Variants in DAPK1 observed in about 807,000 individuals in gnomAD.
DAPK1 encodes death associated protein kinase 1.
A neutral mutation model predicts 144.9 loss-of-function variants in DAPK1; 56 were observed. That is an observed-to-expected ratio of 0.39 (90% CI 0.31 to 0.48). The LOEUF (loss-of-function observed/expected upper bound fraction) is 0.48. DAPK1 is among the 20% of genes least tolerant of loss of function. The pLI, the probability that DAPK1 is intolerant of heterozygous loss-of-function variation, is 0.95. For missense variants in DAPK1, 1,454 were observed against 1,875.4 expected (o/e 0.78, Z 4.15); for synonymous variants, 690 against 749.0 (o/e 0.92, Z 1.29).
At chr9:87,503,262 T>G (rs1474502423) in intron 2 of DAPK1, among the ~76,000 whole-genome samples, 1 of 151,736 alleles carries the variant, frequency 6.6e-6, no homozygotes, top group Non-Finnish European at 1.5e-5. Flanking sequence ...TGTGTGTATA[T>G]GTATATATAT....
intron 2 of DAPK1, among the ~76,000 whole-genome samples, chr9:87,576,173 C>G (rs553751268): frequency 4.6e-5 from 7 of 152,176 alleles, no homozygotes; most frequent in African/African-American, 1.7e-4. Flanking sequence ...CGTGCACACA[C>G]GCATGCACAC....
intron 3 of DAPK1, among the ~76,000 whole-genome samples, chr9:87,631,327 TG>T (rs1829684963): frequency 6.6e-6 from 1 of 152,212 alleles, no homozygotes; most frequent in South Asian, 2.1e-4. Context: ...AATGGAATCT[TG>T]CAATACCTTC....
intron 4 of DAPK1, 30 bp from the exon 5 acceptor site, chr9:87,639,324 C>G: frequency 6.4e-7 from 1 of 1,565,936 alleles, no homozygotes; most frequent in East Asian, 2.2e-5. Context: ...CATATCATAG[C>G]TTTTTATTTA....
At chr9:87,571,856 T>C (rs906693505) in intron 2 of DAPK1, among the ~76,000 whole-genome samples, 5 of 152,190 alleles carry the variant, frequency 3.3e-5, no homozygotes, top group African/African-American at 1.2e-4. Context: ...TGGAGGCCTC[T>C]CTCCTTCTGA....
chr9:87,621,858 C>T (rs572574819), intron 3 of DAPK1, among the ~76,000 whole-genome samples: 1 of 152,220 alleles, frequency 6.6e-6, no homozygotes, highest in South Asian at 2.1e-4. Flanking sequence ...ACTCTAGACC[C>T]TCAGCCTCTC....
At chr9:87,528,527 C>T (rs368920692) in intron 2 of DAPK1, among the ~76,000 whole-genome samples, 14 of 152,206 alleles carry the variant, frequency 9.2e-5, no homozygotes, top group African/African-American at 3.4e-4. Context: ...CTACCATGCA[C>T]CTTTTCTAAT....
intron 2 of DAPK1, among the ~76,000 whole-genome samples, chr9:87,511,280 C>CTTATTATGTGCTCATT (rs1489939237): frequency 6.6e-6 from 1 of 152,200 alleles, no homozygotes; most frequent in Non-Finnish European, 1.5e-5. Context: ...GTGAGTCCAC[C>CTTATTATGTGCTCATT]TTATTATGTG....
chr9:87,703,820 G>A (rs1003174431), intron 25 of DAPK1, among the ~76,000 whole-genome samples: 6 of 152,212 alleles, frequency 3.9e-5, no homozygotes, highest in African/African-American at 7.2e-5. Context: ...ACCAGGGCGC[G>A]GTTTGGAAAC....
chr9:87,525,245 A>G, intron 2 of DAPK1: 1 of 1,321,818 alleles, frequency 7.6e-7, no homozygotes, highest in Non-Finnish European at 1.1e-6. Flanking sequence ...GTGCTTACCT[A>G]AAAAATGCGT....
At chr9:87,542,004 A>G (rs1490918808) in intron 2 of DAPK1, among the ~76,000 whole-genome samples, 1 of 152,228 alleles carries the variant, frequency 6.6e-6, no homozygotes, top group Admixed American at 6.5e-5. Context: ...AGATTGTTTT[A>G]GACCCTGAAT....
intron 2 of DAPK1, among the ~76,000 whole-genome samples, chr9:87,585,034 A>T (rs1048567000): frequency 2.0e-5 from 3 of 152,012 alleles, no homozygotes; most frequent in Non-Finnish European, 2.9e-5. Flanking sequence ...AAATCAGGTT[A>T]TTTGTTTTCT....
intron 18 of DAPK1, among the ~76,000 whole-genome samples, chr9:87,665,172 C>G (rs891185304): frequency 2.0e-5 from 3 of 150,016 alleles, no homozygotes; most frequent in African/African-American, 2.5e-5. Flanking sequence ...ACCACCTGAC[C>G]TACTGTATTT....
chr9:87,637,925 C>T lies in DAPK1; in HGVS notation c.285-18C>T. 1 of 1,611,992 alleles carries T rather than the reference C, an allele frequency of 6.2e-7. No homozygotes were observed. Among genetic ancestry groups the T allele is most frequent in the Non-Finnish European group, 8.5e-7 (1 of 1,178,570 alleles). ...GAAACAGAGTTGTTACCAATAACCTCTGCTTCCGGGTTCTCAGCGTTGCAG... is the reference window on the plus strand; with the variant it reads ...GAAACAGAGTTGTTACCAATAACCTTTGCTTCCGGGTTCTCAGCGTTGCAG... On this transcript the variant is annotated intron_variant, in intron 3 of 25. Coordinates refer to ENST00000408954, the MANE Select transcript of DAPK1 (RefSeq NM_004938.4).
At chr9:87,546,936 C>T (rs1328679404) in intron 2 of DAPK1, among the ~76,000 whole-genome samples, 1 of 152,014 alleles carries the variant, frequency 6.6e-6, no homozygotes, top group African/African-American at 2.4e-5. Context: ...GTGGGTGGAT[C>T]TCTTGAGTTC....
At chr9:87,702,241 C>T (rs955669264) in intron 24 of DAPK1, among the ~76,000 whole-genome samples, 1 of 152,170 alleles carries the variant, frequency 6.6e-6, no homozygotes, top group Admixed American at 6.5e-5. Flanking sequence ...ATTAATGGCA[C>T]GGTGTAGCCT....
At chr9:87,526,435 A>G (rs1543626) in intron 2 of DAPK1, among the ~76,000 whole-genome samples, 67,887 of 152,010 alleles carry the variant, frequency 0.45, 15,435 homozygotes, top group South Asian at 0.57. Context: ...AAGTTTGGCT[A>G]GCATCACACA....
intron 2 of DAPK1, among the ~76,000 whole-genome samples, chr9:87,556,535 T>A (rs1826722264): frequency 6.6e-6 from 1 of 152,024 alleles, no homozygotes; most frequent in South Asian, 2.1e-4. Flanking sequence ...CCTGGCCCCA[T>A]CATGCTAATG....
chr9:87,534,245 AGTTTTTTTTTTT>A (rs1045385335), intron 2 of DAPK1, among the ~76,000 whole-genome samples: 2 of 103,312 alleles, frequency 1.9e-5, no homozygotes, highest in African/African-American at 8.4e-5. Context: ...TCATTTTGAC[AGTTTTTTTTTTT>A]GTTTTTTTTT....
intron 2 of DAPK1, among the ~76,000 whole-genome samples, chr9:87,557,251 G>A (rs1826751552): frequency 1.3e-5 from 2 of 152,172 alleles, no homozygotes; most frequent in Admixed American, 1.3e-4. Context: ...CATGAGGAAT[G>A]CTCAGATCCA....
Sources: gnomAD v4.1 joint callset for allele counts (sites outside exome capture counted in the v4.1 genomes callset) on GRCh38, gnomAD v4.1.1 for gene constraint, MANE v1.5 for transcripts, NCBI Gene and HGNC (gene_info 2026-07-23, HGNC 2026-07-21) for gene names.